GREB1: variants seen among roughly 807,000 people sequenced by gnomAD.
GREB1 encodes the protein protein GREB1.
GREB1 carries 106 observed loss-of-function variants against 200.7 expected under a neutral mutation model. The ratio of observed to expected loss-of-function variants is 0.53; its 90% confidence interval spans 0.45 to 0.62. GREB1 has a LOEUF of 0.62. Ranked by LOEUF, GREB1 falls within the 20% of genes least tolerant of loss-of-function variation. GREB1 has a pLI of 0.00. For synonymous variants in GREB1, 1,132 were observed against 1,092.4 expected (o/e 1.04, Z -0.72); for missense variants, 2,243 against 2,556.8 (o/e 0.88, Z 2.65).
chr2:11,543,656 C>T (rs190940957), intron 1 of GREB1, among the ~76,000 whole-genome samples: 39 of 152,290 alleles, frequency 2.6e-4, no homozygotes, highest in African/African-American at 9.1e-4. Flanking sequence ...ATTTTTTTGA[C>T]ATTGGTGAAG....
At position 11,640,182 on chromosome 2, in the gene GREB1, C is replaced by A; in HGVS notation, c.5687-109C>A. 1 of 1,040,900 alleles carries A rather than the reference C, an allele frequency of 9.6e-7. No individual in the cohort carries two copies. Among genetic ancestry groups the A allele is most frequent in the Non-Finnish European group, 1.4e-6 (1 of 721,526 alleles). The allele number at this position is 1,040,900 out of a possible 1,614,324, so 64.5% of individuals were successfully genotyped here. ...GGGCCGACTTGGATGCCGCTTCTGC[C>A]CTTCCCAACAGCGCCCTGTCTTGTC... On this transcript the variant is annotated intron_variant, in intron 32 of 32. Transcript: ENST00000381486. The surrounding 1 kb of genome is among the most constrained non-coding windows in gnomAD (Gnocchi z 4.6).
intron 4 of GREB1, among the ~76,000 whole-genome samples, chr2:11,572,422 G>C (rs1678405498): frequency 6.6e-6 from 1 of 152,218 alleles, no homozygotes; most frequent in Non-Finnish European, 1.5e-5. Flanking sequence ...TCTCCAGCCT[G>C]CTATGAGCCA....
At chr2:11,521,926 C>A (rs1207794139) in intron 1 of GREB1, among the ~76,000 whole-genome samples, 2 of 152,218 alleles carry the variant, frequency 1.3e-5, no homozygotes, top group Admixed American at 1.3e-4. Flanking sequence ...CACACGTGTC[C>A]TGCAGCGATC....
At chr2:11,531,344 G>A (rs74702425), upstream of GREB1, among the ~76,000 whole-genome samples, 2,378 of 152,204 alleles carry the variant, frequency 0.016, 66 homozygotes, top group African/African-American at 0.054. Flanking sequence ...AGGTTGGTGC[G>A]ACTCCAGCAT....
At position 11,548,617 on chromosome 2, in the gene GREB1, C is replaced by T. The variant is rs117407104; in HGVS notation, c.-161-7837C>T. On this transcript the variant is annotated intron_variant, in intron 1 of 32. Coordinates refer to ENST00000381486, the MANE Select transcript of GREB1 (RefSeq NM_014668.4). The surrounding 1 kb of genome is among the most constrained non-coding windows in gnomAD (Gnocchi z 5.1). ...CACATCAGATAATTAAATCTGTTGCCCTGTTTTCTTCTTGGAGGCCTCCTT... is the reference window on the plus strand; with the variant it reads ...CACATCAGATAATTAAATCTGTTGCTCTGTTTTCTTCTTGGAGGCCTCCTT... Among the ~76,000 whole-genome samples the T allele has an allele frequency of 3.3e-5, 5 of 152,084 alleles. No individual in the cohort carries two copies. The East Asian group carries it at 9.7e-4, about 29-fold the overall frequency.
chr2:11,577,665 C>T (rs896060864), intron 5 of GREB1, among the ~76,000 whole-genome samples: 5 of 152,208 alleles, frequency 3.3e-5, no homozygotes, highest in Admixed American at 6.5e-5. Context: ...GTCTTCCGGA[C>T]GCTCCCGGGC....
rs137877937 is a variant in GREB1, at chr2:11,506,273, G to A, written c.-159+23892G>A. Among the ~76,000 whole-genome samples the A allele has an allele frequency of 1.5e-3, 229 of 152,278 alleles. 1 individual carries two copies. The highest frequency in any genetic ancestry group is 5.3e-3 in the African/African-American group (222 of 41,536). On this transcript the variant is annotated intron_variant, in intron 1 of 2. Coordinates refer to the GREB1 transcript ENST00000628795. ...TCCTGTCCTTGAGAAGCGTGGTTTG[G>A]TAATGTGCCAACAGGTAGTTACCAT...
chr2:11,591,677 A>C, intron 10 of GREB1: 1 of 504,534 alleles, frequency 2.0e-6, no homozygotes. Flanking sequence ...TGGTTCTGTA[A>C]ATCCACCTTT....
intron 20 of GREB1, among the ~76,000 whole-genome samples, chr2:11,615,609 T>A (rs1683335435): frequency 6.6e-6 from 1 of 152,216 alleles, no homozygotes; most frequent in South Asian, 2.1e-4. Flanking sequence ...AGAGTTCAAG[T>A]TCAAAATTTC....
intron 1 of GREB1, among the ~76,000 whole-genome samples, chr2:11,525,551 G>A (rs1004811800): frequency 7.3e-5 from 11 of 149,838 alleles, no homozygotes; most frequent in African/African-American, 1.2e-4. Context: ...CCTTTTGCCT[G>A]TTTCCTTTTG....
At position 11,576,389 on chromosome 2, in the gene GREB1, G is replaced by C; in HGVS notation, c.491G>C (p.Gly164Ala). 1 of 1,613,882 alleles carries C rather than the reference G, an allele frequency of 6.2e-7. No individual in the cohort carries two copies. Among genetic ancestry groups the C allele is most frequent in the African/African-American group, 1.3e-5 (1 of 75,002 alleles). Residue 164 changes from glycine to alanine, a missense_variant, in exon 5 of 33, where the codon GGC becomes GCC. Physicochemically the swap from Gly to Ala is moderately conservative, Grantham distance 60. Around this residue, in one of 3 missense-constraint regions of GREB1, gnomAD observed 1,178 missense variants for 1,387.4 expected, o/e 0.85. Coordinates refer to ENST00000381486, the MANE Select transcript of GREB1 (RefSeq NM_014668.4). Reference protein sequence around the residue: ...SGNCVGCGKKGFCYFTEFSNH... With the variant: ...SGNCVGCGKKAFCYFTEFSNH... ...AATTGTGTTGGCTGTGGAAAGAAAG[G>C]CTTCTGTTACTTCACGGAATTCTCC...
intron 4 of GREB1, among the ~76,000 whole-genome samples, chr2:11,569,978 T>C (rs1678094253): frequency 6.6e-6 from 1 of 152,192 alleles, no homozygotes; most frequent in Non-Finnish European, 1.5e-5. Context: ...TCTAGCCTTC[T>C]TTAAAGGTTA....
chr2:11,531,807 G>C (rs902018717), upstream of GREB1, among the ~76,000 whole-genome samples: 1 of 152,162 alleles, frequency 6.6e-6, no homozygotes, highest in African/African-American at 2.4e-5. Flanking sequence ...CTGACCTGAA[G>C]TGATCCACCC....
intron 4 of GREB1, 33 bp downstream of exon 4, chr2:11,566,689 T>G (rs758107916): frequency 6.3e-7 from 1 of 1,582,244 alleles, no homozygotes; most frequent in Admixed American, 1.7e-5. Context: ...CTGTGGCTCC[T>G]TCTGCATGGG....
chr2:11,488,926 C>A (rs1332371879), intron 1 of GREB1, among the ~76,000 whole-genome samples: 1 of 103,484 alleles, frequency 9.7e-6, no homozygotes, highest in African/African-American at 3.2e-5. Context: ...ACCGCATTTG[C>A]AGTGACATAT....
intron 17 of GREB1, among the ~76,000 whole-genome samples, chr2:11,603,894 T>A (rs1682006481): frequency 6.6e-6 from 1 of 152,234 alleles, no homozygotes; most frequent in Admixed American, 6.5e-5. Flanking sequence ...GGAAATACTG[T>A]TATCTCCCTT....
intron 2 of GREB1, chr2:11,561,919 G>T (rs1159826936): frequency 6.5e-6 from 1 of 153,660 alleles, no homozygotes; most frequent in Non-Finnish European, 1.4e-5. Context: ...TGTGGGCCAT[G>T]CTGCTAGCAC....
chr2:11,527,931 T>A (rs1673943250), intron 1 of GREB1, among the ~76,000 whole-genome samples: 1 of 152,232 alleles, frequency 6.6e-6, no homozygotes, highest in South Asian at 2.1e-4. Flanking sequence ...TCAATATCCC[T>A]AAGTCCCTTA....
chr2:11,587,896 T>G, intron 9 of GREB1: 3 of 999,068 alleles, frequency 3.0e-6, no homozygotes, highest in Non-Finnish European at 3.6e-6. Context: ...GAACCCGACC[T>G]GGGCAATTCC....
Sources: allele counts gnomAD v4.1 joint callset (sites outside exome capture counted in the v4.1 genomes callset), GRCh38; gene constraint gnomAD v4.1.1; regional missense constraint gnomAD v4.1.1; non-coding constraint Gnocchi (gnomAD v3.1); transcripts MANE v1.5; gene names NCBI Gene and HGNC (gene_info 2026-07-23, HGNC 2026-07-21).